Variants in ADGRL2 observed in about 807,000 individuals in gnomAD.
The protein encoded by ADGRL2 is calcium-independent alpha-latrotoxin receptor 2.
In ADGRL2, 44 loss-of-function variants were observed where a neutral mutation model predicts 157.4. The observed-to-expected ratio is 0.28, with a 90% confidence interval of 0.22 to 0.36. The LOEUF is 0.36. Among genes scored for constraint, ADGRL2 ranks in the 10% least tolerant of loss-of-function variants. The pLI is 1.00. For missense variants in ADGRL2, 1,510 were observed against 1,768.9 expected (o/e 0.85, Z 2.63); for synonymous variants, 585 against 624.7 (o/e 0.94, Z 0.95).
rs6671695 is a variant in ADGRL2 at position 81,569,024 on chromosome 1, A to G, written c.-247-11852A>G. 1.9e-3 allele frequency among the ~76,000 whole-genome samples: 291 copies of G among 152,300 alleles called. 3 individuals are homozygous for G. Among genetic ancestry groups the G allele is most frequent in the African/African-American group, 6.7e-3 (277 of 41,568 alleles). On this transcript the variant is annotated intron_variant, in intron 2 of 24. Transcript: ENST00000370721. ...TTTTATAAACTTTAAAATGTAGAATAAAAATTCTTTAAATTTCCTCTGTAT... is the reference window on the plus strand; with the variant it reads ...TTTTATAAACTTTAAAATGTAGAATGAAAATTCTTTAAATTTCCTCTGTAT...
intron 1 of ADGRL2, among the ~76,000 whole-genome samples, chr1:81,736,142 CAAAA>C (rs71085371): frequency 1.2e-4 from 11 of 92,578 alleles, no homozygotes; most frequent in South Asian, 3.4e-4. Context: ...GACCCCGTCT[CAAAA>C]AAAAAAAAAA....
intron 2 of ADGRL2, among the ~76,000 whole-genome samples, chr1:81,476,262 T>G (rs548889525): frequency 1.1e-4 from 17 of 152,280 alleles, no homozygotes; most frequent in African/African-American, 4.1e-4. Context: ...GATCACATCC[T>G]TTAGGTCTCC....
At chr1:81,562,408 G>A (rs1372723749) in intron 2 of ADGRL2, among the ~76,000 whole-genome samples, 1 of 152,132 alleles carries the variant, frequency 6.6e-6, no homozygotes, top group Non-Finnish European at 1.5e-5. Context: ...CACCCAGATT[G>A]TGTATGTTTA....
intron 1 of ADGRL2, among the ~76,000 whole-genome samples, chr1:81,393,445 C>T (rs942421993): frequency 4.6e-5 from 7 of 152,034 alleles, no homozygotes; most frequent in African/African-American, 1.7e-4. Flanking sequence ...TTACTTCATA[C>T]ATGAGGCCCT....
chr1:81,725,539 A>AAAATAAATAAATAAAT (rs369835378), intron 1 of ADGRL2, among the ~76,000 whole-genome samples: 3 of 151,450 alleles, frequency 2.0e-5, no homozygotes, highest in African/African-American at 7.3e-5. Context: ...ACTCTGTCTC[A>AAAATAAATAAATAAAT]AAATAAATAA....
intron 2 of ADGRL2, among the ~76,000 whole-genome samples, chr1:81,775,329 T>C (rs2149360067): frequency 6.6e-6 from 1 of 152,244 alleles, no homozygotes; most frequent in African/African-American, 2.4e-5. Flanking sequence ...TAGAAAAGGG[T>C]AACAAATAAT....
intron 2 of ADGRL2, among the ~76,000 whole-genome samples, chr1:81,869,133 G>T (rs1393900373): frequency 2.0e-5 from 3 of 152,228 alleles, no homozygotes; most frequent in South Asian, 4.1e-4. Flanking sequence ...TTTCTGGTTT[G>T]TGCAACCTGG....
chr1:81,427,179 G>A lies in ADGRL2; in HGVS notation c.-301-17857G>A, dbSNP rs1207666271. On this transcript the variant is annotated intron_variant, in intron 1 of 24. Transcript: ENST00000370721. ...GGTTGCGGAGGAAACTTTCGAGGTG[G>A]TGGAGGTAATTTTGGCCATGGTGGC... 3.1e-6 allele frequency: 3 copies of A among 952,962 alleles called. No homozygotes were observed. In the East Asian group the frequency reaches 7.2e-5, roughly 23 times the overall value. The allele number at this position is 952,962 out of a possible 1,614,324, so 59.0% of individuals were successfully genotyped here. A position where few individuals can be genotyped will look rare whatever the true frequency, so the allele number is the denominator to read the frequency against.
chr1:81,637,389 T>C lies in ADGRL2; in HGVS notation c.-143+56409T>C, dbSNP rs185938528. ...AATTTGACCCAGCTTCCACGGCTAG[T>C]AGGTAGTAGAAAGAGGATTCGAAAC... On this transcript the variant is annotated intron_variant, in intron 3 of 24. Coordinates refer to the ADGRL2 transcript ENST00000370721. Among the ~76,000 whole-genome samples, 17 of 152,320 alleles carry C rather than the reference T, an allele frequency of 1.1e-4. No homozygotes were observed. The East Asian group carries it at 3.3e-3, about 29-fold the overall frequency.
intron 2 of ADGRL2, among the ~76,000 whole-genome samples, chr1:81,574,378 A>G (rs2080755966): frequency 6.6e-6 from 1 of 152,166 alleles, no homozygotes; most frequent in Non-Finnish European, 1.5e-5. Flanking sequence ...AATGGGGTGA[A>G]GCCCAGCCTC....
At position 81,494,765 on chromosome 1, in the gene ADGRL2, T is replaced by C. The variant is rs562056322; in HGVS notation, c.-248+49676T>C. ...TTTACTTTTTCTTCATCTTGGAATC[T>C]TTTGTTTTAATACATCAGTTCCCCT... On this transcript the variant is annotated intron_variant, in intron 2 of 24. Coordinates refer to the ADGRL2 transcript ENST00000370721. Among the ~76,000 whole-genome samples, 27 of 152,286 alleles carry C rather than the reference T, an allele frequency of 1.8e-4. No homozygotes were observed. In the East Asian group the frequency reaches 5.2e-3, roughly 29 times the overall value.
intron 1 of ADGRL2, chr1:81,721,637 C>T: frequency 3.9e-6 from 3 of 775,970 alleles, no homozygotes; most frequent in Non-Finnish European, 6.4e-6. Context: ...GCCAAGCCAG[C>T]GCCTGGGCCT....
chr1:81,397,313 C>CTTTTTTTTTTTTTTTTT (rs59449077), intron 1 of ADGRL2, among the ~76,000 whole-genome samples: 1 of 53,642 alleles, frequency 1.9e-5, no homozygotes, highest in East Asian at 6.5e-4. Context: ...ATAATGTCTC[C>CTTTTTTTTTTTTTTTTT]TTTTTTTTTT....
chr1:81,443,665 G>A (rs552636710), intron 1 of ADGRL2, among the ~76,000 whole-genome samples: 12 of 152,260 alleles, frequency 7.9e-5, no homozygotes, highest in South Asian at 4.1e-4. Context: ...GAGCAGGAGC[G>A]TAGTAATTAG....
intron 2 of ADGRL2, among the ~76,000 whole-genome samples, chr1:81,572,251 A>G (rs1166298795): frequency 6.6e-6 from 1 of 152,200 alleles, no homozygotes; most frequent in East Asian, 1.9e-4. Context: ...TTTTTAACCC[A>G]CATTTTAATG....
At chr1:81,512,655 A>G (rs1265434769) in intron 2 of ADGRL2, among the ~76,000 whole-genome samples, 2 of 152,178 alleles carry the variant, frequency 1.3e-5, no homozygotes, top group Non-Finnish European at 2.9e-5. Context: ...GCCATTTATT[A>G]TCATTTCTAT....
chr1:81,842,725 G>T (rs72717768), intron 2 of ADGRL2, among the ~76,000 whole-genome samples: 10 of 151,866 alleles, frequency 6.6e-5, no homozygotes, highest in African/African-American at 2.4e-4. Flanking sequence ...GGAAAAAAAC[G>T]TATTTTTCCT....
At chr1:81,368,043 A>G (rs1229874447) in intron 1 of ADGRL2, among the ~76,000 whole-genome samples, 1 of 152,218 alleles carries the variant, frequency 6.6e-6, no homozygotes, top group Non-Finnish European at 1.5e-5. Context: ...GTATATACCT[A>G]CTAACAGGAT....
At position 81,504,822 on chromosome 1, in the gene ADGRL2, G is replaced by A. The variant is rs1378572453; in HGVS notation, c.-248+59733G>A. 2.6e-5 allele frequency among the ~76,000 whole-genome samples: 4 copies of A among 152,194 alleles called. No homozygotes were observed. In the East Asian group the frequency reaches 7.7e-4, roughly 29 times the overall value. ...CCCAGCTCAGGGCACAGGCAGGCTGGGGTCCTCGCTGGCCTTGCCAGAGGT... is the reference window on the plus strand; with the variant it reads ...CCCAGCTCAGGGCACAGGCAGGCTGAGGTCCTCGCTGGCCTTGCCAGAGGT... On this transcript the variant is annotated intron_variant, in intron 2 of 24. Transcript: ENST00000370721.
Sources: gnomAD v4.1 joint callset for allele counts (sites outside exome capture counted in the v4.1 genomes callset) on GRCh38, gnomAD v4.1.1 for gene constraint, MANE v1.5 for transcripts, NCBI Gene and HGNC (gene_info 2026-07-23, HGNC 2026-07-21) for gene names.